TBC1D19: variants seen among roughly 807,000 people sequenced by gnomAD.
TBC1D19 encodes the protein TBC1 domain family, member 19.
Under a neutral mutation model 89.0 loss-of-function variants are expected in TBC1D19, and 60 were observed. That is an observed-to-expected ratio of 0.67 (90% CI 0.55 to 0.84). The LOEUF is 0.84. Ranked by LOEUF, TBC1D19 falls within the 40% of genes least tolerant of loss-of-function variation. TBC1D19 has a pLI of 0.00. For synonymous variants in TBC1D19, 189 were observed against 199.7 expected (o/e 0.95, Z 0.45); for missense variants, 500 against 610.8 (o/e 0.82, Z 1.91).
At chr4:26,693,168 A>T (rs1179935455) in intron 13 of TBC1D19, among the ~76,000 whole-genome samples, 1 of 151,700 alleles carries the variant, frequency 6.6e-6, no homozygotes, top group African/African-American at 2.4e-5. Context: ...TCATTGAAGG[A>T]TGATTGTGTG....
intron 13 of TBC1D19, among the ~76,000 whole-genome samples, chr4:26,706,777 T>G (rs1054147403): frequency 9.7e-4 from 147 of 152,272 alleles, no homozygotes; most frequent in African/African-American, 3.4e-3. Flanking sequence ...TATAATTTCT[T>G]CTTTAATCCA....
chr4:26,660,406 A>G (rs1462068269), intron 8 of TBC1D19, among the ~76,000 whole-genome samples: 1 of 152,220 alleles, frequency 6.6e-6, no homozygotes, highest in Non-Finnish European at 1.5e-5. Context: ...TCTCTAGAAG[A>G]TAGAAAGTGT....
intron 7 of TBC1D19, among the ~76,000 whole-genome samples, chr4:26,648,479 A>C (rs1211479554): frequency 6.6e-6 from 1 of 152,218 alleles, no homozygotes; most frequent in Non-Finnish European, 1.5e-5. Context: ...AGATTAGCAT[A>C]ACACTACCAC....
chr4:26,752,175 T>C (rs918278742), intron 19 of TBC1D19, among the ~76,000 whole-genome samples: 2 of 152,058 alleles, frequency 1.3e-5, no homozygotes, highest in Admixed American at 6.6e-5. Context: ...TTAAAAAATA[T>C]ATGTGTTTGC....
chr4:26,730,460 T>C (rs1265976560), intron 15 of TBC1D19, among the ~76,000 whole-genome samples: 2 of 152,234 alleles, frequency 1.3e-5, no homozygotes, highest in East Asian at 3.8e-4. Context: ...CCCACTTGAT[T>C]GTTGAAGGCA....
chr4:26,658,937 A>G (rs1486201568), intron 7 of TBC1D19, among the ~76,000 whole-genome samples: 1 of 152,174 alleles, frequency 6.6e-6, no homozygotes, highest in African/African-American at 2.4e-5. Flanking sequence ...TTGATTTTGT[A>G]TCCTGAAACT....
chr4:26,687,169 T>C (rs1021731962), intron 12 of TBC1D19, among the ~76,000 whole-genome samples: 6 of 152,178 alleles, frequency 3.9e-5, no homozygotes, highest in Non-Finnish European at 7.4e-5. Flanking sequence ...AGGTTTGGGA[T>C]CTATATTTAC....
intron 16 of TBC1D19, among the ~76,000 whole-genome samples, chr4:26,736,287 C>T (rs1437271797): frequency 1.1e-3 from 157 of 140,534 alleles, no homozygotes; most frequent in Non-Finnish European, 1.4e-3. Flanking sequence ...AGTAAACTAT[C>T]GCAAGAACAA....
At chr4:26,842,640 CTTTCTTTT>C in the TBC1D19 span, among the ~76,000 whole-genome samples, 117 of 122,246 alleles carry the variant, frequency 9.6e-4, no homozygotes, top group African/African-American at 3.6e-3. Context: ...TTCTTTCTTT[CTTTCTTTT>C]TCTTTCTTCT....
At chr4:26,857,420 G>A in the TBC1D19 span, among the ~76,000 whole-genome samples, 7 of 152,262 alleles carry the variant, frequency 4.6e-5, no homozygotes, top group African/African-American at 9.6e-5. Flanking sequence ...GGAAGTCAAA[G>A]ACGGGAAGGA....
intron 11 of TBC1D19, among the ~76,000 whole-genome samples, chr4:26,675,603 A>T (rs1270223478): frequency 6.6e-6 from 1 of 152,168 alleles, no homozygotes; most frequent in African/African-American, 2.4e-5. Context: ...GAACTATAGC[A>T]GTTCCAAAAT....
chr4:26,806,762 A>C, the TBC1D19 span, among the ~76,000 whole-genome samples: 1 of 152,228 alleles, frequency 6.6e-6, no homozygotes. Flanking sequence ...GTGTCCTTGC[A>C]AGAAGCCATG....
At chr4:26,751,779 G>A (rs575683722) in intron 19 of TBC1D19, among the ~76,000 whole-genome samples, 112 of 152,228 alleles carry the variant, frequency 7.4e-4, no homozygotes, top group Non-Finnish European at 1.4e-3. Context: ...CCTTTATCTG[G>A]GGAAATTAAG....
chr4:26,672,934 C>A (rs189463841), intron 10 of TBC1D19, among the ~76,000 whole-genome samples: 40 of 151,738 alleles, frequency 2.6e-4, no homozygotes, highest in Middle Eastern at 3.4e-3. Flanking sequence ...ATGTCATTTT[C>A]ATTTAATATA....
At chr4:26,774,772 A>G in the TBC1D19 span, among the ~76,000 whole-genome samples, 1 of 152,180 alleles carries the variant, frequency 6.6e-6, no homozygotes, top group South Asian at 2.1e-4. Flanking sequence ...CCTTTCCCAT[A>G]TCAATATCTT....
the TBC1D19 span, among the ~76,000 whole-genome samples, chr4:26,810,029 C>G: frequency 6.6e-6 from 1 of 152,218 alleles, no homozygotes; most frequent in Non-Finnish European, 1.5e-5. Flanking sequence ...TTCTCTCCAG[C>G]TGGCAACTCC....
the TBC1D19 span, among the ~76,000 whole-genome samples, chr4:26,785,475 A>C: frequency 8.1e-4 from 124 of 152,354 alleles, no homozygotes; most frequent in African/African-American, 2.8e-3. Context: ...ACACAAGTTA[A>C]CTATTACTAC....
chr4:26,801,382 C>T, the TBC1D19 span, among the ~76,000 whole-genome samples: 4 of 152,228 alleles, frequency 2.6e-5, no homozygotes, highest in Non-Finnish European at 5.9e-5. Context: ...TGTTTTGGTA[C>T]CAGTACCATG....
chr4:26,650,017 C>T (rs1744248108), intron 7 of TBC1D19, among the ~76,000 whole-genome samples: 1 of 152,164 alleles, frequency 6.6e-6, no homozygotes, highest in African/African-American at 2.4e-5. Context: ...CCAGCTTCAT[C>T]CGCATCCCTA....
Sources: allele counts gnomAD v4.1 joint callset (sites outside exome capture counted in the v4.1 genomes callset), GRCh38; gene constraint gnomAD v4.1.1; transcripts MANE v1.5; gene names NCBI Gene and HGNC (gene_info 2026-07-23, HGNC 2026-07-21).